The following FMN1 variants were observed in gnomAD, a reference collection of about 807,000 sequenced individuals.
The protein encoded by FMN1 is formin 1, also known as formin-1.
A neutral mutation model predicts 132.4 loss-of-function variants in FMN1; 110 were observed. The observed-to-expected ratio is 0.83, with a 90% CI of 0.71 to 0.97. The LOEUF is 0.97. Ranked by LOEUF, FMN1 falls within the 50% of genes least tolerant of loss-of-function variation. FMN1 has a pLI of 0.00. For missense variants in FMN1, 1,792 were observed against 1,705.3 expected (o/e 1.05, Z -0.90); for synonymous variants, 722 against 651.7 (o/e 1.11, Z -1.64).
intron 2 of FMN1, among the ~76,000 whole-genome samples, chr15:33,193,401 T>C (rs1349746837): frequency 6.6e-6 from 1 of 152,092 alleles, no homozygotes; most frequent in Non-Finnish European, 1.5e-5. Context: ...AATATAATTC[T>C]CTCTCCTAGG....
chr15:32,884,929 C>T (rs763516423), intron 16 of FMN1, among the ~76,000 whole-genome samples: 1 of 152,156 alleles, frequency 6.6e-6, no homozygotes, highest in Non-Finnish European at 1.5e-5. Flanking sequence ...AGGCTGTGCA[C>T]TTTCCAGTGA....
chr15:33,070,004 T>C (rs1412560736), intron 5 of FMN1, among the ~76,000 whole-genome samples: 24 of 133,648 alleles, frequency 1.8e-4, no homozygotes, highest in Non-Finnish European at 3.4e-4. Flanking sequence ...TTTTTTTTTT[T>C]TTTTTTTTTT....
chr15:33,041,635 T>A (rs1308257027), intron 6 of FMN1, among the ~76,000 whole-genome samples: 1 of 151,892 alleles, frequency 6.6e-6, no homozygotes, highest in African/African-American at 2.4e-5. Flanking sequence ...ACCTTACTAA[T>A]CATTAGAGGA....
chr15:33,171,265 A>C (rs1965311734), intron 3 of FMN1, among the ~76,000 whole-genome samples: 1 of 152,218 alleles, frequency 6.6e-6, no homozygotes, highest in Non-Finnish European at 1.5e-5. Flanking sequence ...GGGTACAAAC[A>C]TACAAATAGA....
At chr15:33,089,003 G>C in intron 4 of FMN1, 29 bp from the exon 5 acceptor site, 1 of 1,511,120 alleles carries the variant, frequency 6.6e-7, no homozygotes. Context: ...GGCCATCAGT[G>C]ACATGGCAGC....
rs201626289 is a variant in FMN1, at chr15:33,042,769, AC to A, written c.2161+22187del. ...ACTATATCATTAAATACAGAAAAGAACCCCCCAACTTTTTTTTTTTAAACAA... is the reference window on the plus strand; with the variant it reads ...ACTATATCATTAAATACAGAAAAGAACCCCCAACTTTTTTTTTTTAAACAA... On this transcript the variant is annotated intron_variant, in intron 6 of 20. Transcript: ENST00000616417. 1.1e-3 allele frequency among the ~76,000 whole-genome samples: 87 copies of A among 80,180 alleles called. 1 individual carries two copies. In the East Asian group the frequency reaches 0.018, roughly 17 times the overall value. The allele number at this position is 80,180 out of a possible 152,430, so 52.6% of individuals were successfully genotyped here. A position where few individuals can be genotyped will look rare whatever the true frequency, so the allele number is the denominator to read the frequency against.
rs1595882726 is a variant in FMN1, at chr15:32,773,965, T to C, written c.*345A>G. Reference sequence around the variant, plus strand: ...CTCTCTTCTGTGACAATGTGACATATATCAAGCTTTGGTTATAAAGCTGGA... The same window carrying C: ...CTCTCTTCTGTGACAATGTGACATACATCAAGCTTTGGTTATAAAGCTGGA... On this transcript the variant is annotated 3_prime_UTR_variant, in exon 21 of 21. Transcript: ENST00000616417. The C allele has an allele frequency of 3.3e-6, 1 of 306,592 alleles. No individual in the cohort carries two copies. The highest frequency in any genetic ancestry group is 2.3e-5 in the African/African-American group (1 of 44,300). 19.0% of individuals were successfully genotyped at this position (306,592 alleles called of 1,614,324 possible).
chr15:33,101,700 T>C (rs999524530), intron 4 of FMN1, among the ~76,000 whole-genome samples: 1 of 151,986 alleles, frequency 6.6e-6, no homozygotes, highest in Non-Finnish European at 1.5e-5. Flanking sequence ...AGAGACTTTA[T>C]GTCATTGTTT....
chr15:32,850,489 G>A (rs1352009633), intron 17 of FMN1, among the ~76,000 whole-genome samples: 1 of 152,198 alleles, frequency 6.6e-6, no homozygotes, highest in Non-Finnish European at 1.5e-5. Context: ...TACCTCTTCA[G>A]ATTCTGGGAT....
chr15:33,158,186 AAAG>A (rs996643106), intron 3 of FMN1, among the ~76,000 whole-genome samples: 18 of 152,088 alleles, frequency 1.2e-4, no homozygotes, highest in African/African-American at 4.3e-4. Context: ...TTTAGAAATA[AAAG>A]AAGAGAAGGA....
intron 9 of FMN1, among the ~76,000 whole-genome samples, chr15:32,930,956 C>T (rs2061101000): frequency 6.6e-6 from 1 of 152,144 alleles, no homozygotes; most frequent in African/African-American, 2.4e-5. Context: ...ACTATCCTTT[C>T]CACATTGTAC....
intron 17 of FMN1, among the ~76,000 whole-genome samples, chr15:32,810,158 C>T (rs2057823455): frequency 6.6e-6 from 1 of 152,136 alleles, no homozygotes; most frequent in Non-Finnish European, 1.5e-5. Flanking sequence ...CTCAAGTGAT[C>T]CATCTGCCTC....
chr15:33,132,025 C>T (rs968637200), intron 4 of FMN1, among the ~76,000 whole-genome samples: 7 of 152,096 alleles, frequency 4.6e-5, no homozygotes, highest in African/African-American at 1.7e-4. Context: ...CTTTGCCTTC[C>T]TTTCCACCTG....
intron 4 of FMN1, among the ~76,000 whole-genome samples, chr15:33,108,674 G>C (rs2140113028): frequency 6.6e-6 from 1 of 152,060 alleles, no homozygotes; most frequent in Non-Finnish European, 1.5e-5. Flanking sequence ...ATAGCCCTTG[G>C]CTCCTGATGT....
At chr15:32,979,903 G>T (rs374772963) in intron 7 of FMN1, among the ~76,000 whole-genome samples, 1 of 152,266 alleles carries the variant, frequency 6.6e-6, no homozygotes, top group East Asian at 1.9e-4. Flanking sequence ...GAGGTATTTG[G>T]CTTTCCACTT....
At chr15:32,814,935 ATT>A (rs869233425) in intron 17 of FMN1, among the ~76,000 whole-genome samples, 3 of 119,478 alleles carry the variant, frequency 2.5e-5, no homozygotes, top group Non-Finnish European at 5.3e-5. Context: ...TGTTTATTTT[ATT>A]TTATTATTAT....
At chr15:33,033,383 G>A (rs1029449345) in intron 6 of FMN1, among the ~76,000 whole-genome samples, 1 of 152,118 alleles carries the variant, frequency 6.6e-6, no homozygotes, top group Non-Finnish European at 1.5e-5. Flanking sequence ...TGAAACTGAA[G>A]AACTTGCACA....
Position 32,948,241 on chromosome 15 carries a change from T to A in FMN1, c.3138+15866A>T, listed in dbSNP as rs189562888. ...TTAATTATTTATAAAAAGCATTTAC[T>A]AATTTTGAATCAAATTTGCCAGTCT... On this transcript the variant is annotated intron_variant, in intron 9 of 20. Coordinates refer to ENST00000616417, the MANE Select transcript of FMN1 (RefSeq NM_001277313.2). 9.5e-4 allele frequency among the ~76,000 whole-genome samples: 144 copies of A among 152,152 alleles called. 1 individual carries two copies. The highest frequency in any genetic ancestry group is 2.0e-3 in the African/African-American group (83 of 41,564).
intron 17 of FMN1, among the ~76,000 whole-genome samples, chr15:32,808,754 C>CA (rs2057768393): frequency 6.6e-6 from 1 of 152,178 alleles, no homozygotes; most frequent in Non-Finnish European, 1.5e-5. Context: ...TGGCTAGAAG[C>CA]AAATGCTAGT....
Sources: allele counts gnomAD v4.1 joint callset (sites outside exome capture counted in the v4.1 genomes callset), GRCh38; gene constraint gnomAD v4.1.1; transcripts MANE v1.5; gene names NCBI Gene and HGNC (gene_info 2026-07-23, HGNC 2026-07-21).